The following SLC22A24 variants were observed in gnomAD, a reference collection of about 807,000 sequenced individuals.
The protein encoded by SLC22A24 is solute carrier family 22 member 24.
Under a neutral mutation model 49.8 loss-of-function variants are expected in SLC22A24, and 53 were observed. The observed-to-expected ratio is 1.06, with a 90% confidence interval of 0.85 to 1.34. The LOEUF is 1.34. SLC22A24 is among the 40% of genes most tolerant of loss of function. The probability of loss-of-function intolerance (pLI) is 0.00; values close to 1 mark genes in which losing one functional copy is unlikely to be tolerated. For missense variants in SLC22A24, 786 were observed against 675.9 expected, an observed-to-expected ratio of 1.16 and a Z score of -1.81; for synonymous variants, 302 against 256.4, an observed-to-expected ratio of 1.18 and a Z score of -1.70.
chr11:63,112,798 G>A (rs568101746), intron 4 of SLC22A24, among the ~76,000 whole-genome samples: 1 of 151,558 alleles, frequency 6.6e-6, no homozygotes, highest in Non-Finnish European at 1.5e-5. Flanking sequence ...TGGATCACGA[G>A]GTCAGGAGAT....
At chr11:63,135,363 GT>G (rs1283807576) in intron 1 of SLC22A24, among the ~76,000 whole-genome samples, 1 of 152,178 alleles carries the variant, frequency 6.6e-6, no homozygotes. Flanking sequence ...CTGGGTATCA[GT>G]TTTTTAAGTA....
intron 2 of SLC22A24, among the ~76,000 whole-genome samples, chr11:63,132,110 G>T (rs118072533): frequency 0.039 from 5,962 of 152,214 alleles, 171 homozygotes; most frequent in Non-Finnish European, 0.063. Context: ...AAGTTCTCAT[G>T]CTGTGGTTTT....
chr11:63,143,173 C>A (rs2087427274), intron 1 of SLC22A24, among the ~76,000 whole-genome samples: 1 of 152,184 alleles, frequency 6.6e-6, no homozygotes, highest in South Asian at 2.1e-4. Flanking sequence ...CCACAATTTA[C>A]TTTTACACCA....
intron 4 of SLC22A24, among the ~76,000 whole-genome samples, chr11:63,115,657 G>C (rs902888230): frequency 6.6e-6 from 1 of 152,124 alleles, no homozygotes; most frequent in Non-Finnish European, 1.5e-5. Flanking sequence ...CGATCACACT[G>C]GGATCTGCAG....
At position 63,081,129 on chromosome 11, in the gene SLC22A24, A is replaced by T. The variant is rs1265631402; in HGVS notation, c.1395-6T>A. The stretch of plus-strand genomic sequence containing the variant: ...TGATTCCTGCAACTGTTGACCTTAG[A>T]GTGCAAATAACAATACAAAAAATCT... On this transcript the variant is annotated splice_polypyrimidine_tract_variant and splice_region_variant and intron_variant, in intron 8 of 9. Coordinates refer to ENST00000612278, the MANE Select transcript of SLC22A24 (RefSeq NM_001136506.2). The T allele has an allele frequency of 1.3e-6, 2 of 1,550,470 alleles. No individual in the cohort carries two copies.
intron 2 of SLC22A24, among the ~76,000 whole-genome samples, chr11:63,125,547 C>A (rs1030888242): frequency 1.3e-5 from 2 of 152,110 alleles, no homozygotes; most frequent in Non-Finnish European, 2.9e-5. Context: ...TTTCTTAATC[C>A]AGTCTGTCAT....
Position 63,119,215 on chromosome 11 carries a change from G to T in SLC22A24, c.627C>A (p.Ser209=). The T allele has an allele frequency of 6.5e-7, 1 of 1,549,926 alleles. No homozygotes were observed. Among genetic ancestry groups the T allele is most frequent in the Non-Finnish European group, 8.7e-7 (1 of 1,146,438 alleles). ...AAGTGTTTCCCAAAATAGTCATGGT[G>T]GAGAACCCTGCCAAGAAGCGCAGTA... ...YCILRFLAGF[S]TMTILGNTFI... is the part of the protein sequence containing the mutation. Residue 209 remains serine, a synonymous_variant, in exon 3 of 10, where the codon TCC becomes TCA. Coordinates refer to ENST00000612278, the MANE Select transcript of SLC22A24 (RefSeq NM_001136506.2).
intron 4 of SLC22A24, among the ~76,000 whole-genome samples, chr11:63,115,312 G>A (rs976684414): frequency 8.5e-5 from 13 of 152,298 alleles, no homozygotes; most frequent in African/African-American, 3.1e-4. Flanking sequence ...CTTGCAGGTC[G>A]ATCTCAGACT....
intron 1 of SLC22A24, among the ~76,000 whole-genome samples, chr11:63,141,042 G>T (rs1183954361): frequency 6.6e-6 from 1 of 152,204 alleles, no homozygotes; most frequent in East Asian, 1.9e-4. Context: ...TGTGGGGCCA[G>T]AATCTGGGCC....
At chr11:63,136,847 C>G (rs952541598) in intron 1 of SLC22A24, among the ~76,000 whole-genome samples, 5 of 152,044 alleles carry the variant, frequency 3.3e-5, no homozygotes, top group Non-Finnish European at 7.4e-5. Context: ...CTCTGGTACT[C>G]TCTCTACTGG....
intron 1 of SLC22A24, among the ~76,000 whole-genome samples, chr11:63,139,566 C>T (rs1165235221): frequency 6.6e-6 from 1 of 152,122 alleles, no homozygotes; most frequent in Non-Finnish European, 1.5e-5. Context: ...GGAAACATCC[C>T]CAACCCCCAA....
rs578092194 is a variant in SLC22A24, at chr11:63,139,798, G to A, written c.402+3580C>T. Among the ~76,000 whole-genome samples, 6 of 152,216 alleles carry A rather than the reference G, an allele frequency of 3.9e-5. No individual in the cohort carries two copies. The South Asian group carries it at 1.2e-3, about 32-fold the overall frequency. ...CTGTGATTAGGCCCTAGAAATGCATGCTCTCCTGGCCCTTTTCCTCCAAGG... is the reference window on the plus strand; with the variant it reads ...CTGTGATTAGGCCCTAGAAATGCATACTCTCCTGGCCCTTTTCCTCCAAGG... On this transcript the variant is annotated intron_variant, in intron 1 of 9. Coordinates refer to ENST00000612278, the MANE Select transcript of SLC22A24 (RefSeq NM_001136506.2).
At chr11:63,105,798 T>C (rs2087117527) in intron 4 of SLC22A24, among the ~76,000 whole-genome samples, 1 of 152,186 alleles carries the variant, frequency 6.6e-6, no homozygotes, top group African/African-American at 2.4e-5. Context: ...TCCTCATTAC[T>C]TATGCAAGTT....
intron 6 of SLC22A24, among the ~76,000 whole-genome samples, chr11:63,091,677 T>C (rs1211390491): frequency 1.3e-5 from 2 of 152,206 alleles, no homozygotes; most frequent in African/African-American, 4.8e-5. Flanking sequence ...TCTCAATAGA[T>C]GCAGAAAAGG....
chr11:63,112,163 A>C (rs1191783326), intron 4 of SLC22A24, among the ~76,000 whole-genome samples: 1 of 152,070 alleles, frequency 6.6e-6, no homozygotes, highest in Non-Finnish European at 1.5e-5. Context: ...AGTGGTTTTG[A>C]GTGAGATTCT....
intron 6 of SLC22A24, among the ~76,000 whole-genome samples, chr11:63,094,808 A>G (rs1201264815): frequency 2.6e-5 from 4 of 151,976 alleles, no homozygotes; most frequent in African/African-American, 4.8e-5. Context: ...CATATCCTTC[A>G]CCCACTTTTT....
chr11:63,133,152 T>C (rs2087349223), intron 2 of SLC22A24, among the ~76,000 whole-genome samples: 1 of 152,116 alleles, frequency 6.6e-6, no homozygotes, highest in African/African-American at 2.4e-5. Flanking sequence ...GATCTGCAGG[T>C]TGCCAAGACT....
chr11:63,127,935 A>G lies in SLC22A24; in HGVS notation c.506+6730T>C, dbSNP rs202073029. ...TAGGTTGCCTGTTCACTCTGATGATAGTTACTTTTGCTGTGCAGAAGCTCT... is the reference window on the plus strand; with the variant it reads ...TAGGTTGCCTGTTCACTCTGATGATGGTTACTTTTGCTGTGCAGAAGCTCT... On this transcript the variant is annotated intron_variant, in intron 2 of 9. Coordinates refer to ENST00000612278, the MANE Select transcript of SLC22A24 (RefSeq NM_001136506.2). 2.4e-4 allele frequency among the ~76,000 whole-genome samples: 37 copies of G among 152,038 alleles called. No homozygotes were observed. The East Asian group carries it at 7.2e-3, about 29-fold the overall frequency.
intron 2 of SLC22A24, among the ~76,000 whole-genome samples, chr11:63,126,316 A>T (rs1166527134): frequency 6.6e-6 from 1 of 152,162 alleles, no homozygotes. Context: ...TCTTTAATCC[A>T]TCTTGAATTA....
Sources: gnomAD v4.1 joint callset for allele counts (sites outside exome capture counted in the v4.1 genomes callset) on GRCh38, gnomAD v4.1.1 for gene constraint, MANE v1.5 for transcripts, NCBI Gene and HGNC (gene_info 2026-07-23, HGNC 2026-07-21) for gene names.